Variants in ZFPM2 observed in about 807,000 individuals in gnomAD.
ZFPM2 encodes zinc finger protein ZFPM2.
Under a neutral mutation model 98.6 loss-of-function variants are expected in ZFPM2, and 20 were observed. The ratio of observed to expected loss-of-function variants is 0.20; its 90% CI spans 0.14 to 0.29. ZFPM2 has a LOEUF of 0.29. Among genes scored for constraint, ZFPM2 ranks in the 10% least tolerant of loss-of-function variants. The probability of loss-of-function intolerance (pLI) is 1.00; values close to 1 mark genes in which losing one functional copy is unlikely to be tolerated. For missense variants in ZFPM2, 1,310 were observed against 1,388.6 expected (o/e 0.94, Z 0.90); for synonymous variants, 518 against 502.7 (o/e 1.03, Z -0.41).
intron 5 of ZFPM2, among the ~76,000 whole-genome samples, chr8:105,758,506 A>G (rs1812658387): frequency 6.6e-6 from 1 of 152,170 alleles, no homozygotes; most frequent in African/African-American, 2.4e-5. Context: ...CTCTACAATG[A>G]ATATTTATAA....
intron 3 of ZFPM2, among the ~76,000 whole-genome samples, chr8:105,541,803 T>G (rs1457839772): frequency 6.6e-6 from 1 of 152,194 alleles, no homozygotes; most frequent in Non-Finnish European, 1.5e-5. Flanking sequence ...TATTGCAGTA[T>G]TGTAATGACT....
intron 4 of ZFPM2, among the ~76,000 whole-genome samples, chr8:105,594,361 G>A (rs1815917387): frequency 6.6e-6 from 1 of 152,096 alleles, no homozygotes; most frequent in Admixed American, 6.6e-5. Flanking sequence ...TTAAAACACA[G>A]AATGGACCTT....
At chr8:105,364,804 T>A (rs1452822192) in intron 1 of ZFPM2, among the ~76,000 whole-genome samples, 3 of 152,084 alleles carry the variant, frequency 2.0e-5, no homozygotes, top group Admixed American at 1.3e-4. Flanking sequence ...AGCAACCAGC[T>A]CGAACGGACA....
chr8:105,769,159 G>C (rs537520340), intron 5 of ZFPM2, among the ~76,000 whole-genome samples: 1 of 152,052 alleles, frequency 6.6e-6, no homozygotes. Flanking sequence ...TTTGTTTACT[G>C]TCTATCCTCC....
chr8:105,688,699 A>G (rs182445971), intron 5 of ZFPM2, among the ~76,000 whole-genome samples: 159 of 152,228 alleles, frequency 1.0e-3, no homozygotes, highest in Non-Finnish European at 1.7e-3. Context: ...ATTTACATAC[A>G]TATACACACA....
chr8:105,705,718 AC>A (rs1280014910), intron 5 of ZFPM2, among the ~76,000 whole-genome samples: 1 of 152,136 alleles, frequency 6.6e-6, no homozygotes, highest in Non-Finnish European at 1.5e-5. Flanking sequence ...ACTCCCTGTT[AC>A]CCTGGGTGAA....
At chr8:105,574,134 T>C (rs1017018104) in intron 4 of ZFPM2, among the ~76,000 whole-genome samples, 8 of 152,190 alleles carry the variant, frequency 5.3e-5, no homozygotes, top group African/African-American at 1.2e-4. Context: ...AAACATACTT[T>C]AAAAAGCAGG....
chr8:105,391,828 T>G (rs1457387635), intron 1 of ZFPM2, among the ~76,000 whole-genome samples: 1 of 152,210 alleles, frequency 6.6e-6, no homozygotes, highest in Non-Finnish European at 1.5e-5. Flanking sequence ...TGAACTCCTC[T>G]AAGTCATCCA....
At position 105,802,413 on chromosome 8, in the gene ZFPM2, A is replaced by G. The variant is rs1451228210; in HGVS notation, c.2331A>G (p.Thr777=). Residue 777 remains threonine, a synonymous_variant, in exon 8 of 8, where the codon ACA becomes ACG. Coordinates refer to ENST00000407775, the MANE Select transcript of ZFPM2 (RefSeq NM_012082.4). The stretch of plus-strand genomic sequence containing the variant: ...CTTGTACCTCCACTCAAGAACCCAC[A>G]GAAGGGCTAGGAGAGTGCTACCACC... The part of the protein sequence containing the change: ...NNPCTSTQEP[T]EGLGECYHPR... The G allele has an allele frequency of 1.4e-5, 23 of 1,613,796 alleles. No individual in the cohort carries two copies. The highest frequency in any genetic ancestry group is 5.0e-5 in the Admixed American group (3 of 59,992).
At chr8:105,397,280 G>A (rs546263908) in intron 1 of ZFPM2, among the ~76,000 whole-genome samples, 23 of 152,086 alleles carry the variant, frequency 1.5e-4, no homozygotes, top group African/African-American at 3.9e-4. Flanking sequence ...AAAGGGAACC[G>A]CTTTAATATG....
intron 4 of ZFPM2, among the ~76,000 whole-genome samples, chr8:105,627,783 G>A (rs1437966276): frequency 6.6e-6 from 1 of 152,114 alleles, no homozygotes; most frequent in East Asian, 1.9e-4. Context: ...CGGGTTCTGT[G>A]TAGGAGTGAC....
chr8:105,443,584 C>T (rs952611930), intron 2 of ZFPM2, among the ~76,000 whole-genome samples: 1 of 152,098 alleles, frequency 6.6e-6, no homozygotes, highest in African/African-American at 2.4e-5. Flanking sequence ...ATGGTTGTAT[C>T]ATTAAGGTTT....
intron 5 of ZFPM2, among the ~76,000 whole-genome samples, chr8:105,717,418 C>G (rs1474501544): frequency 1.3e-5 from 2 of 152,006 alleles, no homozygotes; most frequent in Non-Finnish European, 2.9e-5. Flanking sequence ...TACTAAGACT[C>G]ATCTTGCTAT....
chr8:105,586,505 C>T (rs1174102762), intron 4 of ZFPM2, among the ~76,000 whole-genome samples: 1 of 152,128 alleles, frequency 6.6e-6, no homozygotes, highest in Non-Finnish European at 1.5e-5. Flanking sequence ...TCACTGCAAC[C>T]TCTGCCTCCT....
intron 3 of ZFPM2, among the ~76,000 whole-genome samples, chr8:105,554,983 T>TGA (rs1334088281): frequency 1.3e-5 from 2 of 152,150 alleles, no homozygotes; most frequent in Admixed American, 1.3e-4. Flanking sequence ...TGATTTTAAG[T>TGA]ATTTCTCTCC....
At chr8:105,487,708 A>T (rs541993960) in intron 3 of ZFPM2, among the ~76,000 whole-genome samples, 2 of 148,324 alleles carry the variant, frequency 1.3e-5, no homozygotes, top group South Asian at 2.1e-4. Context: ...AATAGGAATT[A>T]AAAAAAAACT....
chr8:105,782,546 T>C (rs1416520180), intron 5 of ZFPM2: 1 of 152,218 alleles, frequency 6.6e-6, no homozygotes, highest in African/African-American at 2.4e-5. Context: ...GTTTTATCAA[T>C]GAAGCATATA....
intron 4 of ZFPM2, among the ~76,000 whole-genome samples, chr8:105,622,115 A>T: frequency 6.6e-6 from 1 of 152,068 alleles, no homozygotes; most frequent in East Asian, 1.9e-4. Context: ...GAAAAAAAAC[A>T]AAAAGAATTA....
chr8:105,341,357 A>C (rs1214891628), intron 1 of ZFPM2, among the ~76,000 whole-genome samples: 2 of 151,906 alleles, frequency 1.3e-5, no homozygotes, highest in Admixed American at 6.6e-5. Flanking sequence ...TGTCCATATT[A>C]TGGGAGTGAA....
Sources: gnomAD v4.1 joint callset for allele counts (sites outside exome capture counted in the v4.1 genomes callset) on GRCh38, gnomAD v4.1.1 for gene constraint, MANE v1.5 for transcripts, NCBI Gene and HGNC (gene_info 2026-07-23, HGNC 2026-07-21) for gene names.